PTPRC: variants seen among roughly 807,000 people sequenced by gnomAD.
PTPRC encodes the protein receptor-type tyrosine-protein phosphatase C.
PTPRC carries 44 observed loss-of-function variants against 155.9 expected under a neutral mutation model. The observed-to-expected ratio is 0.28, with a 90% CI of 0.22 to 0.36. The LOEUF is 0.36. Among genes scored for constraint, PTPRC ranks in the 10% least tolerant of loss-of-function variants. PTPRC has a pLI of 1.00. For synonymous variants in PTPRC, 525 were observed against 533.1 expected, an observed-to-expected ratio of 0.98 and a Z score of 0.21; for missense variants, 1,401 against 1,564.6, an observed-to-expected ratio of 0.90 and a Z score of 1.76.
chr1:198,657,576 C>T (rs1327827366), intron 2 of PTPRC: 10 of 152,298 alleles, frequency 6.6e-5, no homozygotes, highest in Admixed American at 4.6e-4. Flanking sequence ...TTTTACTTCT[C>T]TTGCTGCTTT....
In PTPRC at chr1:198,752,420, T is replaced by C. The variant is rs199804805; in HGVS notation, c.3330+49T>C. On this transcript the variant is annotated intron_variant, in intron 30 of 32. Transcript: ENST00000442510. Reference sequence around the variant, plus strand: ...TATTTCTTTGATATAATGGATCTGGTAGCAAAATGAATATAAATTACTCTA... The same window carrying C: ...TATTTCTTTGATATAATGGATCTGGCAGCAAAATGAATATAAATTACTCTA... The C allele has an allele frequency of 3.7e-6, 6 of 1,601,376 alleles. No individual in the cohort carries two copies. The Admixed American group carries it at 8.4e-5, about 22-fold the overall frequency.
Position 198,728,818 on chromosome 1 carries a change from T to C in PTPRC, c.1830-319T>C, listed in dbSNP as rs149186886. Among the ~76,000 whole-genome samples, 81 of 152,240 alleles carry C rather than the reference T, an allele frequency of 5.3e-4. No homozygotes were observed. In the East Asian group the frequency reaches 0.014, roughly 26 times the overall value. On this transcript the variant is annotated intron_variant, in intron 16 of 32. Transcript: ENST00000442510. ...GTTTCTTTGGTCAGAAACAACCACA[T>C]CTTATGAAAAACAGAAGATTTAAAA...
chr1:198,675,255 G>A (rs1043095604), intron 2 of PTPRC, among the ~76,000 whole-genome samples: 2 of 152,116 alleles, frequency 1.3e-5, no homozygotes, highest in African/African-American at 4.8e-5. Context: ...TAATGTTGAT[G>A]AGAAGCAAAC....
chr1:198,657,256 T>TA (rs1320251933), intron 2 of PTPRC, among the ~76,000 whole-genome samples: 1 of 152,018 alleles, frequency 6.6e-6, no homozygotes, highest in Non-Finnish European at 1.5e-5. Context: ...TTATAGTTGA[T>TA]AAAGTGTTAG....
chr1:198,671,411 T>C (rs979565575), intron 2 of PTPRC, among the ~76,000 whole-genome samples: 3 of 152,222 alleles, frequency 2.0e-5, no homozygotes, highest in Admixed American at 6.5e-5. Context: ...AGTTCTCTTA[T>C]TTATCTCAGC....
At chr1:198,715,570 A>T (rs1210249960) in intron 12 of PTPRC, among the ~76,000 whole-genome samples, 1 of 152,108 alleles carries the variant, frequency 6.6e-6, no homozygotes, top group African/African-American at 2.4e-5. Flanking sequence ...AAGTTACTGA[A>T]AGCAATAGGC....
intron 14 of PTPRC, among the ~76,000 whole-genome samples, chr1:198,721,873 C>G (rs888107244): frequency 6.6e-6 from 1 of 151,210 alleles, no homozygotes; most frequent in Non-Finnish European, 1.5e-5. Flanking sequence ...TCTTACTGCT[C>G]TTTTGCTCTT....
chr1:198,647,595 C>A (rs1429258965), intron 2 of PTPRC, among the ~76,000 whole-genome samples: 2 of 151,784 alleles, frequency 1.3e-5, no homozygotes, highest in African/African-American at 2.4e-5. Context: ...TGATCACATG[C>A]TGTGTATGAA....
At position 198,702,524 on chromosome 1, in the gene PTPRC, A is replaced by G. The variant is rs4915154; in HGVS notation, c.577A>G (p.Thr193Ala). The change falls in exon 6 of 33, where the codon ACC becomes GCC. Residue 193 changes from threonine to alanine, a missense_variant. Physicochemically the swap from Thr to Ala is moderately conservative, Grantham distance 58. Coordinates refer to ENST00000442510, the MANE Select transcript of PTPRC (RefSeq NM_002838.5). ...CTCCAACACCACCATCACAGCGAAC[A>G]CCTCAGGTCTGACTATGCTGCTCTA... ...RTSNTTITAN[T>A]SDAYLNASET... 30,107 of 1,614,082 alleles carry G rather than the reference A, an allele frequency of 0.019. 1,595 individuals carry two copies. The East Asian group carries it at 0.2, about 10-fold the overall frequency.
intron 2 of PTPRC, among the ~76,000 whole-genome samples, chr1:198,642,892 TTTTCTTTCTTTCTTCCTTTC>T (rs1319324032): frequency 3.1e-4 from 37 of 119,096 alleles, no homozygotes; most frequent in South Asian, 1.7e-3. Flanking sequence ...ATCTTTTTTC[TTTTCTTTCTTTCTTCCTTTC>T]TTTCTTTCTT....
intron 30 of PTPRC, 98 bp from the exon 31 acceptor site, chr1:198,752,496 T>C: frequency 6.6e-7 from 1 of 1,516,830 alleles, no homozygotes; most frequent in Middle Eastern, 2.0e-4. Context: ...ATTTTAAAAT[T>C]ATTTAAATAG....
At chr1:198,749,601 CTA>C (rs772637448) in intron 28 of PTPRC, 52 bp downstream of exon 28, 4 of 1,556,092 alleles carry the variant, frequency 2.6e-6, no homozygotes, top group Admixed American at 1.7e-5. Flanking sequence ...AAAATAATAT[CTA>C]TGTTATTAGG....
At chr1:198,651,582 A>G (rs988396011) in intron 2 of PTPRC, among the ~76,000 whole-genome samples, 3 of 151,784 alleles carry the variant, frequency 2.0e-5, no homozygotes, top group African/African-American at 7.3e-5. Context: ...GTGGTTAGCT[A>G]ATAAGAAAAA....
intron 29 of PTPRC, among the ~76,000 whole-genome samples, chr1:198,751,514 A>G (rs746594243): frequency 4.0e-5 from 6 of 151,866 alleles, no homozygotes; most frequent in Non-Finnish European, 8.8e-5. Context: ...TCCCCTGTAC[A>G]TGGAAAGTTG....
chr1:198,670,235 G>A (rs16843631), intron 2 of PTPRC, among the ~76,000 whole-genome samples: 5,728 of 151,972 alleles, frequency 0.038, 164 homozygotes, highest in East Asian at 0.13. Flanking sequence ...ATTTTCCTTA[G>A]CATTTTTAAA....
At chr1:198,744,285 T>C in intron 26 of PTPRC, 82 bp downstream of exon 26, 1 of 1,345,980 alleles carries the variant, frequency 7.4e-7, no homozygotes, top group Non-Finnish European at 1.0e-6. Context: ...TGCTATGCAC[T>C]TGACATAGTG....
intron 3 of PTPRC, 146 bp downstream of exon 3, chr1:198,692,519 C>T: frequency 9.0e-7 from 1 of 1,105,190 alleles, no homozygotes; most frequent in East Asian, 3.2e-5. Flanking sequence ...TTCACTTGTT[C>T]TTAAACTTTC....
intron 2 of PTPRC, among the ~76,000 whole-genome samples, chr1:198,643,305 T>A (rs538680279): frequency 2.6e-5 from 4 of 151,726 alleles, no homozygotes; most frequent in Non-Finnish European, 5.9e-5. Flanking sequence ...ATAGTTCCCA[T>A]ACCTAATTTT....
chr1:198,752,505 A>G (rs754216858), intron 30 of PTPRC, 89 bp from the exon 31 acceptor site: 190 of 1,515,570 alleles, frequency 1.3e-4, no homozygotes, highest in Non-Finnish European at 1.7e-4. Flanking sequence ...TTATTTAAAT[A>G]GAAGTAACTG....
Sources: allele counts gnomAD v4.1 joint callset (sites outside exome capture counted in the v4.1 genomes callset), GRCh38; gene constraint gnomAD v4.1.1; transcripts MANE v1.5; gene names NCBI Gene and HGNC (gene_info 2026-07-23, HGNC 2026-07-21).